The following EXOC4 variants were observed in gnomAD, a reference collection of about 807,000 sequenced individuals.
EXOC4 encodes SEC8-like 1.
EXOC4 carries 71 observed loss-of-function variants against 107.2 expected under a neutral mutation model. That is an observed-to-expected ratio of 0.66 (90% CI 0.55 to 0.81). The LOEUF (loss-of-function observed/expected upper bound fraction) is 0.81. Ranked by LOEUF, EXOC4 falls within the 30% of genes least tolerant of loss-of-function variation. The probability of loss-of-function intolerance (pLI) is 0.00; values close to 1 mark genes in which losing one functional copy is unlikely to be tolerated. For missense variants in EXOC4, 1,108 were observed against 1,189.6 expected (o/e 0.93, Z 1.01); for synonymous variants, 456 against 441.2 (o/e 1.03, Z -0.42).
chr7:133,256,215 T>C (rs1187588904), intron 1 of EXOC4, among the ~76,000 whole-genome samples: 1 of 152,236 alleles, frequency 6.6e-6, no homozygotes, highest in African/African-American at 2.4e-5. Context: ...TCTCCTGACC[T>C]TGTGATCCAC....
chr7:133,865,706 C>G (rs938169644), intron 11 of EXOC4, among the ~76,000 whole-genome samples: 7 of 152,256 alleles, frequency 4.6e-5, no homozygotes, highest in East Asian at 1.9e-4. Context: ...GCACATCTTA[C>G]CATTGCAGAG....
chr7:133,779,080 CA>C (rs1450445998), intron 10 of EXOC4, among the ~76,000 whole-genome samples: 2 of 152,210 alleles, frequency 1.3e-5, no homozygotes, highest in Admixed American at 6.5e-5. Context: ...TCTATTGATT[CA>C]CCTTGGTGAG....
At chr7:133,506,301 C>G (rs1799664344) in intron 9 of EXOC4, among the ~76,000 whole-genome samples, 1 of 152,044 alleles carries the variant, frequency 6.6e-6, no homozygotes, top group South Asian at 2.1e-4. Flanking sequence ...TTAAACCCCT[C>G]AAAAAATTAC....
intron 7 of EXOC4, among the ~76,000 whole-genome samples, chr7:133,433,060 C>T (rs983932481): frequency 6.6e-6 from 1 of 152,086 alleles, no homozygotes; most frequent in Admixed American, 6.6e-5. Context: ...TTCTTATTTT[C>T]GAATGGTAGT....
intron 17 of EXOC4, among the ~76,000 whole-genome samples, chr7:134,021,340 C>T (rs951297153): frequency 1.3e-5 from 2 of 152,178 alleles, no homozygotes; most frequent in Non-Finnish European, 2.9e-5. Flanking sequence ...GTGCTTAAAG[C>T]ATTTGCTCAC....
At chr7:133,322,162 T>C (rs935522787) in intron 5 of EXOC4, among the ~76,000 whole-genome samples, 3 of 152,236 alleles carry the variant, frequency 2.0e-5, no homozygotes, top group Non-Finnish European at 4.4e-5. Context: ...TCTCCCATTC[T>C]GTAGGTTGCG....
chr7:133,683,385 T>C (rs1794228705), intron 10 of EXOC4, among the ~76,000 whole-genome samples: 1 of 152,304 alleles, frequency 6.6e-6, no homozygotes, highest in African/African-American at 2.4e-5. Flanking sequence ...GTACTGATTT[T>C]ATATGCAGCG....
chr7:133,615,058 C>T (rs1563127655), intron 9 of EXOC4, among the ~76,000 whole-genome samples: 2 of 152,122 alleles, frequency 1.3e-5, no homozygotes. Flanking sequence ...GACATGGACC[C>T]TTCTATGATA....
chr7:133,324,367 T>G (rs1028833161), intron 5 of EXOC4, among the ~76,000 whole-genome samples: 1 of 152,370 alleles, frequency 6.6e-6, no homozygotes, highest in East Asian at 1.9e-4. Flanking sequence ...CATTTCCCTC[T>G]ACACACTGCT....
At chr7:133,605,459 G>A (rs143238117) in intron 9 of EXOC4, among the ~76,000 whole-genome samples, 30 of 152,168 alleles carry the variant, frequency 2.0e-4, no homozygotes, top group Admixed American at 3.3e-4. Context: ...TGTCTCTATG[G>A]ATTTGCCTGT....
chr7:133,942,868 T>A (rs1273995129), intron 14 of EXOC4, among the ~76,000 whole-genome samples: 1 of 152,178 alleles, frequency 6.6e-6, no homozygotes, highest in Non-Finnish European at 1.5e-5. Flanking sequence ...CCTCTTGAAT[T>A]TCATCTTAGT....
At chr7:133,491,298 T>A (rs568153116) in intron 9 of EXOC4, among the ~76,000 whole-genome samples, 56 of 152,350 alleles carry the variant, frequency 3.7e-4, no homozygotes, top group African/African-American at 1.3e-3. Flanking sequence ...AATTTGCATA[T>A]TCATGCCCAC....
At chr7:134,074,160 G>T in the EXOC4 span, among the ~76,000 whole-genome samples, 1 of 152,146 alleles carries the variant, frequency 6.6e-6, no homozygotes, top group Non-Finnish European at 1.5e-5. Flanking sequence ...ACTCCAGGTT[G>T]GGCAGTTCTC....
At chr7:134,021,722 GAA>G (rs60762484) in intron 17 of EXOC4, among the ~76,000 whole-genome samples, 118 of 53,734 alleles carry the variant, frequency 2.2e-3, no homozygotes, top group East Asian at 5.8e-3. Context: ...AGTCAAACCA[GAA>G]AAAAAAAAAA....
intron 7 of EXOC4, among the ~76,000 whole-genome samples, chr7:133,414,239 A>G (rs1797424433): frequency 6.6e-6 from 1 of 152,204 alleles, no homozygotes; most frequent in Admixed American, 6.5e-5. Context: ...CTTTGCTAAT[A>G]GGGAAATGAA....
chr7:133,484,945 T>TGATG (rs1799238664), intron 9 of EXOC4, among the ~76,000 whole-genome samples: 1 of 151,622 alleles, frequency 6.6e-6, no homozygotes, highest in Non-Finnish European at 1.5e-5. Context: ...CCTGGCGTGG[T>TGATG]GGCGGACACC....
intron 14 of EXOC4, among the ~76,000 whole-genome samples, chr7:133,976,380 G>A (rs908900244): frequency 1.3e-5 from 2 of 152,200 alleles, no homozygotes; most frequent in African/African-American, 4.8e-5. Context: ...CTTCTTTAGA[G>A]TAGAACTTAA....
chr7:133,718,193 G>A (rs2151103369), intron 10 of EXOC4, among the ~76,000 whole-genome samples: 1 of 152,292 alleles, frequency 6.6e-6, no homozygotes, highest in East Asian at 1.9e-4. Flanking sequence ...GGGAGTACTA[G>A]GTATACTAGG....
intron 5 of EXOC4, among the ~76,000 whole-genome samples, chr7:133,339,837 T>C (rs2150623358): frequency 6.6e-6 from 1 of 152,338 alleles, no homozygotes; most frequent in South Asian, 2.1e-4. Context: ...ATAGCAGTGC[T>C]ACTGATTTGT....
Sources: gnomAD v4.1 joint callset for allele counts (sites outside exome capture counted in the v4.1 genomes callset) on GRCh38, gnomAD v4.1.1 for gene constraint, MANE v1.5 for transcripts, NCBI Gene and HGNC (gene_info 2026-07-23, HGNC 2026-07-21) for gene names.